The following EML5 variants were observed in gnomAD, a reference collection of about 807,000 sequenced individuals.
EML5 encodes EMAP like 5.
Under a neutral mutation model 250.0 loss-of-function variants are expected in EML5, and 120 were observed. The ratio of observed to expected loss-of-function variants is 0.48; its 90% CI spans 0.41 to 0.56. EML5 has a LOEUF of 0.56. Among genes scored for constraint, EML5 ranks in the 20% least tolerant of loss-of-function variants. The probability of loss-of-function intolerance (pLI) is 0.00; values close to 1 mark genes in which losing one functional copy is unlikely to be tolerated. For synonymous variants in EML5, 771 were observed against 806.5 expected (o/e 0.96, Z 0.75); for missense variants, 2,006 against 2,437.6 (o/e 0.82, Z 3.73).
intron 7 of EML5, among the ~76,000 whole-genome samples, chr14:88,729,088 C>CATAT (rs140688839): frequency 1.8e-4 from 27 of 151,220 alleles, no homozygotes; most frequent in African/African-American, 4.4e-4. Flanking sequence ...ATAAACACAT[C>CATAT]ATATATATAT....
chr14:88,708,578 AGAG>A (rs2139811088), intron 10 of EML5, among the ~76,000 whole-genome samples: 2 of 152,266 alleles, frequency 1.3e-5, no homozygotes, highest in East Asian at 3.9e-4. Flanking sequence ...AATGTAGGAA[AGAG>A]TAGTAAAGGA....
chr14:88,727,513 T>C (rs1273069411), intron 7 of EML5, among the ~76,000 whole-genome samples: 2 of 151,558 alleles, frequency 1.3e-5, no homozygotes, highest in Non-Finnish European at 2.9e-5. Context: ...GCAATTCTCC[T>C]GCCTCAGCCT....
Position 88,643,759 on chromosome 14 carries a change from A to G in EML5, c.4107+674T>C, listed in dbSNP as rs535033709. On this transcript the variant is annotated intron_variant, in intron 30 of 43. Coordinates refer to ENST00000554922, the MANE Select transcript of EML5 (RefSeq NM_183387.3). ...TCATCGGTGGATAAAAACTAAGTAT[A>G]CTGTCTCTGACAATTCATGCTAAAG... Among the ~76,000 whole-genome samples, 16 of 152,366 alleles carry G rather than the reference A, an allele frequency of 1.1e-4. No individual in the cohort carries two copies. The South Asian group carries it at 2.7e-3, about 26-fold the overall frequency.
rs1595176102 is a variant in EML5 at position 88,616,727 on chromosome 14, A to G, written c.5795T>C (p.Phe1932Ser). 2.5e-6 allele frequency: 4 copies of G among 1,611,644 alleles called. No individual in the cohort carries two copies. The highest frequency in any genetic ancestry group is 3.4e-6 in the Non-Finnish European group (4 of 1,178,684). ...ATAGTAAACAAAACACAAACTTACAAATTTTTCTGGACATGGGAAGTCAAA... is the reference window on the plus strand; with the variant it reads ...ATAGTAAACAAAACACAAACTTACAGATTTTTCTGGACATGGGAAGTCAAA... ...KLFDFPCPEK[F>S]AKHKRFLGHS... is the part of the protein sequence containing the mutation. The change falls in exon 42 of 44, where the codon TTT (phenylalanine) becomes TCT (serine). Residue 1932 changes from phenylalanine to serine, a missense_variant and splice_region_variant. Transcript: ENST00000554922.
At chr14:88,776,663 T>C (rs2094449688) in intron 1 of EML5, among the ~76,000 whole-genome samples, 1 of 151,962 alleles carries the variant, frequency 6.6e-6, no homozygotes, top group South Asian at 2.1e-4. Flanking sequence ...GGTGAACTGC[T>C]TGAGCCCAGT....
chr14:88,683,808 A>C (rs1258407367), intron 20 of EML5, among the ~76,000 whole-genome samples: 2 of 152,210 alleles, frequency 1.3e-5, no homozygotes, highest in African/African-American at 4.8e-5. Context: ...TCCTCAACTT[A>C]AACTTAGTAA....
intron 1 of EML5, among the ~76,000 whole-genome samples, chr14:88,787,747 A>T (rs544084380): frequency 1.8e-4 from 28 of 152,340 alleles, no homozygotes; most frequent in Non-Finnish European, 3.5e-4. Flanking sequence ...TGTTAAGTCC[A>T]TCTAATTCTA....
At chr14:88,663,705 AT>A (rs879462079) in intron 23 of EML5, among the ~76,000 whole-genome samples, 158 of 143,774 alleles carry the variant, frequency 1.1e-3, no homozygotes, top group Middle Eastern at 6.8e-3. Context: ...AATGTATTTC[AT>A]TTTTTTTTTT....
rs1785387868 is a variant in EML5, at chr14:88,688,396, A to G, written c.2617T>C (p.Trp873Arg). The G allele has an allele frequency of 1.2e-6, 2 of 1,614,012 alleles. No individual in the cohort carries two copies. The highest frequency in any genetic ancestry group is 1.7e-6 in the Non-Finnish European group (2 of 1,179,888). Residue 873 changes from tryptophan to arginine, a missense_variant, in exon 18 of 44, where the codon TGG becomes CGG. Coordinates refer to ENST00000554922, the MANE Select transcript of EML5 (RefSeq NM_183387.3). Reference sequence around the variant, plus strand: ...CCAGAAAAAGCCATCTCTTCAGTCCATCCATACACTGCACACATCATTGTG... The same window carrying G: ...CCAGAAAAAGCCATCTCTTCAGTCCGTCCATACACTGCACACATCATTGTG... ...NDTMMCAVYGWTEEMAFSGTS... is the reference protein window; with the variant it reads ...NDTMMCAVYGRTEEMAFSGTS...
At chr14:88,659,958 T>C (rs1415151367) in intron 25 of EML5, among the ~76,000 whole-genome samples, 3 of 152,156 alleles carry the variant, frequency 2.0e-5, no homozygotes, top group Non-Finnish European at 4.4e-5. Flanking sequence ...CAGAGTATAA[T>C]ATATAACTTA....
chr14:88,657,161 T>C (rs1373285591), intron 27 of EML5, among the ~76,000 whole-genome samples: 3 of 152,150 alleles, frequency 2.0e-5, no homozygotes, highest in Non-Finnish European at 4.4e-5. Context: ...ACCTGGATTA[T>C]TTTTATATTT....
At chr14:88,627,137 A>C in intron 34 of EML5, 91 bp from the exon 35 acceptor site, 1 of 1,367,998 alleles carries the variant, frequency 7.3e-7, no homozygotes, top group South Asian at 1.2e-5. Flanking sequence ...TAGTTCAAAA[A>C]ACAAAGGCTT....
intron 1 of EML5, among the ~76,000 whole-genome samples, chr14:88,756,263 T>A (rs960973091): frequency 2.0e-5 from 3 of 152,196 alleles, no homozygotes; most frequent in African/African-American, 7.2e-5. Context: ...CTCCCATATA[T>A]GTTTATCTCA....
intron 4 of EML5, 143 bp downstream of exon 4, chr14:88,743,880 A>C: frequency 4.4e-6 from 2 of 453,880 alleles, no homozygotes; most frequent in South Asian, 6.8e-5. Context: ...TGTTTGACTG[A>C]ACATAAGAAC....
chr14:88,717,355 G>A (rs2093513832), intron 8 of EML5, among the ~76,000 whole-genome samples: 1 of 152,190 alleles, frequency 6.6e-6, no homozygotes, highest in African/African-American at 2.4e-5. Flanking sequence ...TGCTGAGGGA[G>A]AATCATGAAG....
rs571374894 is a variant in EML5 at position 88,655,745 on chromosome 14, T to C, written c.4004+1631A>G. On this transcript the variant is annotated intron_variant, in intron 27 of 43. Coordinates refer to ENST00000554922, the MANE Select transcript of EML5 (RefSeq NM_183387.3). The stretch of plus-strand genomic sequence containing the variant: ...CTATCCATCTGACAAAGGGCTAATA[T>C]CCAGAATCTACAAAGAATTTAAACA... Among the ~76,000 whole-genome samples, 92 of 152,146 alleles carry C rather than the reference T, an allele frequency of 6.0e-4. 1 individual carries two copies. In the South Asian group the frequency reaches 0.017, roughly 29 times the overall value.
intron 31 of EML5, among the ~76,000 whole-genome samples, chr14:88,639,823 C>T (rs769260846): frequency 6.6e-6 from 1 of 152,094 alleles, no homozygotes; most frequent in African/African-American, 2.4e-5. Flanking sequence ...TCAAGTGATC[C>T]GCCCATCTTA....
Position 88,612,564 on chromosome 14 carries a change from A to G in EML5, c.*3254T>C, listed in dbSNP as rs1408078024. 1 of 152,618 alleles carries G rather than the reference A, an allele frequency of 6.6e-6. No individual in the cohort carries two copies. The highest frequency in any genetic ancestry group is 2.4e-5 in the African/African-American group (1 of 41,466). The allele number at this position is 152,618 out of a possible 1,614,324, so 9.5% of individuals were successfully genotyped here. A position where few individuals can be genotyped will look rare whatever the true frequency, so the allele number is the denominator to read the frequency against. On this transcript the variant is annotated 3_prime_UTR_variant, in exon 44 of 44. Transcript: ENST00000554922. ...TCTGAAAACAGACTTTAAAGTCACA[A>G]GATTATAAATGTACATATATATTCT...
Position 88,740,468 on chromosome 14 carries a change from T to C in EML5, c.630A>G (p.Leu210=). The change falls in exon 5 of 44, where the codon TTA becomes TTG. Residue 210 remains leucine (L), a synonymous_variant. Coordinates refer to ENST00000554922, the MANE Select transcript of EML5 (RefSeq NM_183387.3). The part of the protein sequence containing the change: ...ILCLACARDE[L]TYSGALNGDI... The stretch of plus-strand genomic sequence containing the variant: ...CCCCATTGAGTGCACCAGAATATGT[T>C]AATTCATCCCTTGCACAGGCTAGGC... 1.2e-6 allele frequency: 2 copies of C among 1,613,908 alleles called. No individual in the cohort carries two copies. The highest frequency in any genetic ancestry group is 1.7e-6 in the Non-Finnish European group (2 of 1,179,826).
Sources: allele counts gnomAD v4.1 joint callset (sites outside exome capture counted in the v4.1 genomes callset), GRCh38; gene constraint gnomAD v4.1.1; transcripts MANE v1.5; gene names NCBI Gene and HGNC (gene_info 2026-07-23, HGNC 2026-07-21).